Variants in SOX6 observed in about 807,000 individuals in gnomAD.
SOX6 encodes the protein transcription factor SOX-6.
SOX6 carries 11 observed loss-of-function variants against 97.8 expected under a neutral mutation model. That is an observed-to-expected ratio of 0.11 (90% CI 0.07 to 0.19). The LOEUF is 0.19. Ranked by LOEUF, SOX6 falls within the 10% of genes least tolerant of loss-of-function variation. The pLI is 1.00. For missense variants in SOX6, 810 were observed against 1,039.5 expected (o/e 0.78, Z 3.04); for synonymous variants, 360 against 371.4 (o/e 0.97, Z 0.35).
chr11:16,258,002 A>T (rs1220436681), intron 3 of SOX6, among the ~76,000 whole-genome samples: 2 of 7,516 alleles, frequency 2.7e-4, no homozygotes, highest in Admixed American at 6.5e-4. Context: ...AAAGAATTTA[A>T]AAAAATGACA....
At chr11:16,279,894 C>T (rs1015628425) in intron 3 of SOX6, among the ~76,000 whole-genome samples, 3 of 152,036 alleles carry the variant, frequency 2.0e-5, no homozygotes, top group African/African-American at 7.2e-5. Flanking sequence ...GGCATACTAA[C>T]TCTTGAAAAA....
intron 4 of SOX6, among the ~76,000 whole-genome samples, chr11:16,556,317 G>T (rs1847748189): frequency 6.6e-6 from 1 of 151,628 alleles, no homozygotes; most frequent in Non-Finnish European, 1.5e-5. Flanking sequence ...TGGAAATATG[G>T]CCTAAAGCTG....
intron 3 of SOX6, among the ~76,000 whole-genome samples, chr11:16,258,521 A>T (rs907783906): frequency 1.3e-5 from 2 of 152,032 alleles, no homozygotes; most frequent in Non-Finnish European, 2.9e-5. Flanking sequence ...AACTATGAAG[A>T]TATTAAAAAG....
chr11:16,056,174 T>A (rs1847811495), intron 9 of SOX6, among the ~76,000 whole-genome samples: 1 of 152,042 alleles, frequency 6.6e-6, no homozygotes, highest in Non-Finnish European at 1.5e-5. Flanking sequence ...TTTTTTTTTT[T>A]AATTGTACAA....
At chr11:16,327,997 T>C (rs538860110) in intron 2 of SOX6, among the ~76,000 whole-genome samples, 6 of 152,186 alleles carry the variant, frequency 3.9e-5, no homozygotes, top group Non-Finnish European at 7.4e-5. Flanking sequence ...TATAGCACCA[T>C]ATGTTGTCAG....
chr11:16,670,063 A>T (rs150819895), intron 3 of SOX6, among the ~76,000 whole-genome samples: 1 of 151,972 alleles, frequency 6.6e-6, no homozygotes, highest in Non-Finnish European at 1.5e-5. Flanking sequence ...CCCGCCCTTC[A>T]CCAGGCAAGG....
chr11:16,597,462 C>A (rs1848225497), intron 4 of SOX6, among the ~76,000 whole-genome samples: 1 of 151,746 alleles, frequency 6.6e-6, no homozygotes, highest in African/African-American at 2.4e-5. Flanking sequence ...GGGGAGGTTG[C>A]ATTACTTTTC....
At chr11:16,646,952 G>T (rs1391549002) in intron 3 of SOX6, among the ~76,000 whole-genome samples, 3 of 152,156 alleles carry the variant, frequency 2.0e-5, no homozygotes, top group African/African-American at 7.2e-5. Flanking sequence ...CTTCTTTAAG[G>T]AACCTCCACA....
chr11:16,005,483 T>C (rs1854522179), intron 13 of SOX6, among the ~76,000 whole-genome samples: 1 of 152,018 alleles, frequency 6.6e-6, no homozygotes, highest in Non-Finnish European at 1.5e-5. Flanking sequence ...ATTTGAATTA[T>C]TGACTATGAA....
At chr11:16,487,569 G>C (rs1443866387) in intron 4 of SOX6, among the ~76,000 whole-genome samples, 1 of 152,150 alleles carries the variant, frequency 6.6e-6, no homozygotes, top group Non-Finnish European at 1.5e-5. Context: ...ACAGTAGAGT[G>C]GCAGAGATTT....
chr11:16,122,563 ATG>A (rs1314987754), intron 6 of SOX6, among the ~76,000 whole-genome samples: 1 of 152,026 alleles, frequency 6.6e-6, no homozygotes, highest in Non-Finnish European at 1.5e-5. Flanking sequence ...TTGACCCACA[ATG>A]AAGGCAATCT....
intron 3 of SOX6, among the ~76,000 whole-genome samples, chr11:16,668,096 C>A (rs1371403914): frequency 6.6e-6 from 1 of 152,010 alleles, no homozygotes; most frequent in Non-Finnish European, 1.5e-5. Context: ...TACAACAGAC[C>A]AGCGTGGTGG....
At chr11:16,045,861 G>A (rs765359354) in intron 12 of SOX6, among the ~76,000 whole-genome samples, 16 of 151,894 alleles carry the variant, frequency 1.1e-4, no homozygotes, top group Non-Finnish European at 1.8e-4. Context: ...TTTTCTCACG[G>A]CATTTATTGA....
chr11:16,611,735 T>C (rs1848400876), intron 4 of SOX6, among the ~76,000 whole-genome samples: 1 of 152,196 alleles, frequency 6.6e-6, no homozygotes, highest in Admixed American at 6.5e-5. Context: ...TTCCTTAAGA[T>C]GTCATTCTGC....
chr11:16,738,447 G>C, exon 1 of SOX6: 1 of 411,542 alleles, frequency 2.4e-6, no homozygotes, highest in Non-Finnish European at 4.5e-6. Context: ...CCGCGGGAAC[G>C]CTTCCTCCAC....
intron 4 of SOX6, among the ~76,000 whole-genome samples, chr11:16,223,120 A>G (rs1490371517): frequency 6.6e-6 from 1 of 152,076 alleles, no homozygotes; most frequent in African/African-American, 2.4e-5. Context: ...GATGCACAGA[A>G]TACTCTCCTC....
At chr11:16,318,211 T>G (rs1855808228) in intron 3 of SOX6, 3 of 541,486 alleles carry the variant, frequency 5.5e-6, no homozygotes, top group Non-Finnish European at 9.8e-6. Context: ...AATCCTAATT[T>G]GTTATCTTAA....
intron 3 of SOX6, among the ~76,000 whole-genome samples, chr11:16,665,679 G>C (rs974318921): frequency 3.3e-5 from 5 of 152,192 alleles, no homozygotes; most frequent in African/African-American, 1.2e-4. Context: ...CAGAGGCCTA[G>C]AGCATTCAGT....
chr11:16,563,858 A>T (rs1267160782), intron 4 of SOX6, among the ~76,000 whole-genome samples: 1 of 152,192 alleles, frequency 6.6e-6, no homozygotes, highest in African/African-American at 2.4e-5. Context: ...AAAAGCATCC[A>T]AAGAAAAATG....
Sources: gnomAD v4.1 joint callset for allele counts (sites outside exome capture counted in the v4.1 genomes callset) on GRCh38, gnomAD v4.1.1 for gene constraint, MANE v1.5 for transcripts, NCBI Gene and HGNC (gene_info 2026-07-23, HGNC 2026-07-21) for gene names.